Variants in KAT6A observed in about 807,000 individuals in gnomAD.
KAT6A encodes lysine acetyltransferase 6A.
In KAT6A, 9 loss-of-function variants were observed where a neutral mutation model predicts 198.4. That is an observed-to-expected ratio of 0.05 (90% CI 0.03 to 0.08). KAT6A has a LOEUF of 0.08. Among genes scored for constraint, KAT6A ranks in the 10% least tolerant of loss-of-function variants. The pLI, the probability that KAT6A is intolerant of heterozygous loss-of-function variation, is 1.00. For synonymous variants in KAT6A, 890 were observed against 883.0 expected, an observed-to-expected ratio of 1.01 and a Z score of -0.14; for missense variants, 2,077 against 2,509.9, an observed-to-expected ratio of 0.83 and a Z score of 3.69.
chr8:41,986,022 C>T (rs1417143504), intron 3 of KAT6A, among the ~76,000 whole-genome samples: 1 of 152,096 alleles, frequency 6.6e-6, no homozygotes, highest in Non-Finnish European at 1.5e-5. Flanking sequence ...CTCACCACAA[C>T]CTCTGCCTCC....
intron 5 of KAT6A, among the ~76,000 whole-genome samples, chr8:41,980,580 C>T (rs1017845326): frequency 2.6e-5 from 4 of 152,110 alleles, no homozygotes; most frequent in African/African-American, 9.7e-5. Flanking sequence ...TAGCTAGAGA[C>T]TGGCAAATAT....
At position 42,009,894 on chromosome 8, in the gene KAT6A, CAAAAA is replaced by C. The variant is rs538642816; in HGVS notation, c.601-22336_601-22332del. On this transcript the variant is annotated intron_variant, in intron 2 of 16. Coordinates refer to ENST00000265713, the MANE Select transcript of KAT6A (RefSeq NM_006766.5). ...CTGGCGACAGGACAAAGCCCTGTCT[CAAAAA>C]AAAAAAAAAAAAAAACAAAAAAAAA... 6.1e-5 allele frequency among the ~76,000 whole-genome samples: 3 copies of C among 49,064 alleles called. 1 individual carries two copies. The highest frequency in any genetic ancestry group is 4.4e-4 in the East Asian group (1 of 2,286). The allele number at this position is 49,064 out of a possible 152,430, so 32.2% of individuals were successfully genotyped here. A position where few individuals can be genotyped will look rare whatever the true frequency, so the allele number is the denominator to read the frequency against.
chr8:41,943,678 C>T, intron 13 of KAT6A, 70 bp downstream of exon 13: 2 of 988,636 alleles, frequency 2.0e-6, no homozygotes, highest in Admixed American at 1.9e-5. Flanking sequence ...CATCAATAAT[C>T]TGACTGGCTG....
chr8:41,992,223 T>C (rs568663900), intron 2 of KAT6A, among the ~76,000 whole-genome samples: 1 of 151,458 alleles, frequency 6.6e-6, no homozygotes, highest in Non-Finnish European at 1.5e-5. Context: ...AAAAAAGGTA[T>C]TTACTAGATT....
chr8:41,976,526 A>G (rs919943753), intron 7 of KAT6A, among the ~76,000 whole-genome samples: 9 of 152,146 alleles, frequency 5.9e-5, no homozygotes, highest in Admixed American at 2.0e-4. Flanking sequence ...ACTTACAACT[A>G]TATTTGTCAA....
chr8:41,976,130 G>A (rs1456049311), intron 7 of KAT6A, among the ~76,000 whole-genome samples: 6 of 152,156 alleles, frequency 3.9e-5, no homozygotes, highest in Non-Finnish European at 7.4e-5. Flanking sequence ...AATCAACCAC[G>A]AATGAGAGCA....
Position 41,932,938 on chromosome 8 carries a change from T to C in KAT6A, c.5282A>G (p.Asn1761Ser). 1 of 1,614,072 alleles carries C rather than the reference T, an allele frequency of 6.2e-7. No individual in the cohort carries two copies. Among genetic ancestry groups the C allele is most frequent in the Non-Finnish European group, 8.5e-7 (1 of 1,180,010 alleles). The change falls in exon 17 of 17, where the codon AAC (asparagine) becomes AGC (serine). Residue 1761 changes from asparagine to serine, a missense_variant. Asn to Ser is a conservative substitution (Grantham distance 46). Transcript: ENST00000265713. ...FSLAKLQQLT[N>S]TIMDPHAMPY... ...CATGGCATGAGGGTCCATAATGGTG[T>C]TGGTCAGCTGCTGCAGCTTGGCTAG...
intron 7 of KAT6A, 44 bp downstream of exon 7, chr8:41,976,964 T>G (rs1218926808): frequency 7.1e-7 from 1 of 1,407,724 alleles, no homozygotes. Flanking sequence ...GAATAATACA[T>G]GTACAGAATA....
At chr8:42,028,351 C>T (rs1032146809) in intron 2 of KAT6A, among the ~76,000 whole-genome samples, 5 of 152,134 alleles carry the variant, frequency 3.3e-5, no homozygotes, top group African/African-American at 1.2e-4. Context: ...CAACTATTAC[C>T]ATATTGGAGT....
At chr8:41,964,351 T>C (rs1405968383) in intron 8 of KAT6A, among the ~76,000 whole-genome samples, 2 of 152,122 alleles carry the variant, frequency 1.3e-5, no homozygotes, top group African/African-American at 4.8e-5. Context: ...ACTAACCACA[T>C]GGCTTTAATT....
chr8:41,983,588 A>G (rs1027003435), intron 3 of KAT6A, among the ~76,000 whole-genome samples: 4 of 152,272 alleles, frequency 2.6e-5, no homozygotes, highest in African/African-American at 9.6e-5. Flanking sequence ...GAACACTAAA[A>G]TGAATTATTT....
In KAT6A at chr8:41,933,995, A is replaced by G. The variant is rs202169533; in HGVS notation, c.4225T>C (p.Leu1409=). The G allele has an allele frequency of 8.1e-6, 13 of 1,613,568 alleles. 1 individual carries two copies. In the African/African-American group the frequency reaches 9.4e-5, roughly 12 times the overall value. The stretch of plus-strand genomic sequence containing the variant: ...TGAGGAATCTCTTCCTCCTCTTTTA[A>G]TTCGATTAACTCTTCCTTAGTGTGG... ...DSHTKEELIE[L]KEEEEIPHSE... Residue 1409 remains leucine, a synonymous_variant, in exon 17 of 17, where the codon TTA becomes CTA. Coordinates refer to ENST00000265713, the MANE Select transcript of KAT6A (RefSeq NM_006766.5). This position sits in a 1 kb window ranked among gnomAD's most constrained non-coding sequence, Gnocchi z 6.2.
At chr8:41,953,726 G>A (rs186274518) in intron 9 of KAT6A, among the ~76,000 whole-genome samples, 10 of 152,074 alleles carry the variant, frequency 6.6e-5, no homozygotes, top group East Asian at 1.9e-4. Flanking sequence ...TGCCTATCTC[G>A]GCCTCCCAAA....
chr8:42,034,809 T>C (rs1199736933), intron 2 of KAT6A, among the ~76,000 whole-genome samples: 5 of 152,204 alleles, frequency 3.3e-5, no homozygotes, highest in Non-Finnish European at 7.3e-5. Context: ...CCCAGATGTA[T>C]ATTAACTCAT....
chr8:42,014,635 CG>C lies in KAT6A; in HGVS notation c.601-27073del, dbSNP rs1313724160. 2.6e-5 allele frequency among the ~76,000 whole-genome samples: 4 copies of C among 152,052 alleles called. No individual in the cohort carries two copies. The East Asian group carries it at 7.7e-4, about 29-fold the overall frequency. On this transcript the variant is annotated intron_variant, in intron 2 of 16. Transcript: ENST00000265713. Reference sequence around the variant, plus strand: ...TTACAGCAATAAGACAAGGACAGATCGGGGGGCTAAAGAGAAGCAAGGAAAA... The same window carrying C: ...TTACAGCAATAAGACAAGGACAGATCGGGGGCTAAAGAGAAGCAAGGAAAA...
At chr8:42,025,206 T>G (rs1007257129) in intron 2 of KAT6A, among the ~76,000 whole-genome samples, 2 of 151,996 alleles carry the variant, frequency 1.3e-5, no homozygotes, top group Non-Finnish European at 2.9e-5. Flanking sequence ...TGCTGAGGTT[T>G]TTTTTTGTTT....
chr8:42,051,725 G>A (rs1434458301), intron 1 of KAT6A, among the ~76,000 whole-genome samples, 176 bp downstream of exon 1: 1 of 145,844 alleles, frequency 6.9e-6, no homozygotes, highest in Non-Finnish European at 1.5e-5. Flanking sequence ...GGGCGCGAGG[G>A]GGCGGCCACG....
At chr8:42,002,015 CTA>C (rs143740821) in intron 2 of KAT6A, among the ~76,000 whole-genome samples, 15,884 of 152,124 alleles carry the variant, frequency 0.1, 1,057 homozygotes, top group East Asian at 0.24. Flanking sequence ...AGAGATAAGA[CTA>C]AAATTCTCTC....
rs1219234310 is a variant in KAT6A, at chr8:41,933,870, A to G, written c.4350T>C (p.Leu1450=). The G allele has an allele frequency of 6.2e-7, 1 of 1,613,958 alleles. No homozygotes were observed. The highest frequency in any genetic ancestry group is 1.3e-5 in the African/African-American group (1 of 74,868). ...EGAYQDCEET[L]AACQTLQSYT... is the part of the protein sequence containing the mutation. ...AACTCTGCAGGGTCTGACACGCCGC[A>G]AGAGTTTCCTCACAGTCCTGGTAGG... Residue 1450 remains leucine, a synonymous_variant, in exon 17 of 17, where the codon CTT becomes CTC. Transcript: ENST00000265713. The surrounding 1 kb of genome is among the most constrained non-coding windows in gnomAD (Gnocchi z 6.2).
Sources: gnomAD v4.1 joint callset for allele counts (sites outside exome capture counted in the v4.1 genomes callset) on GRCh38, gnomAD v4.1.1 for gene constraint, Gnocchi (gnomAD v3.1) non-coding constraint, MANE v1.5 for transcripts, NCBI Gene and HGNC (gene_info 2026-07-23, HGNC 2026-07-21) for gene names.